DIAPH2: variants seen among roughly 807,000 people sequenced by gnomAD.
DIAPH2 encodes the protein diaphanous related formin 2, also known as protein diaphanous homolog 2.
Under a neutral mutation model 92.7 loss-of-function variants are expected in DIAPH2, and 35 were observed. The observed-to-expected ratio is 0.38, with a 90% CI of 0.29 to 0.50. The LOEUF (loss-of-function observed/expected upper bound fraction) is 0.50. Among genes scored for constraint, DIAPH2 ranks in the 20% least tolerant of loss-of-function variants. The pLI, the probability that DIAPH2 is intolerant of heterozygous loss-of-function variation, is 0.94. For missense variants in DIAPH2, 701 were observed against 819.5 expected (o/e 0.86, Z 1.77); for synonymous variants, 301 against 280.4 (o/e 1.07, Z -0.73).
At chrX:96,820,652 A>T (rs1804066574) in intron 4 of DIAPH2, among the ~76,000 whole-genome samples, 1 of 111,934 alleles carries the variant, frequency 8.9e-6, no homozygotes, top group Non-Finnish European at 1.9e-5. Flanking sequence ...TATTTGCTAA[A>T]CTTATTGAAC....
At chrX:97,090,896 T>C (rs2066820144) in intron 19 of DIAPH2, among the ~76,000 whole-genome samples, 1 of 112,052 alleles carries the variant, frequency 8.9e-6, no homozygotes, top group Non-Finnish European at 1.9e-5. Flanking sequence ...GAAGCCATTG[T>C]TTACCCTTCT....
At chrX:97,186,116 A>G (rs1172644711) in intron 22 of DIAPH2, among the ~76,000 whole-genome samples, 1 of 111,944 alleles carries the variant, frequency 8.9e-6, no homozygotes, top group Non-Finnish European at 1.9e-5. Context: ...TCCCTGATAA[A>G]TTTAATTTTT....
intron 16 of DIAPH2, among the ~76,000 whole-genome samples, chrX:96,960,204 G>T (rs935951482): frequency 3.6e-5 from 4 of 111,015 alleles, no homozygotes; most frequent in Non-Finnish European, 7.6e-5. Flanking sequence ...TGAGTTGTAT[G>T]GTCGTTTTAA....
At chrX:97,499,009 A>C (rs1214230966) in intron 26 of DIAPH2, among the ~76,000 whole-genome samples, 2 of 111,453 alleles carry the variant, frequency 1.8e-5, no homozygotes, top group African/African-American at 6.5e-5. Flanking sequence ...ATAGCCAGCT[A>C]TCTGTCTGCA....
chrX:97,597,464 GA>G (rs1197532248), intron 26 of DIAPH2, among the ~76,000 whole-genome samples: 1 of 111,653 alleles, frequency 9.0e-6, no homozygotes, highest in Non-Finnish European at 1.9e-5. Flanking sequence ...AGTGGGTAGT[GA>G]GTGATGGTGT....
rs992567406 is a variant in DIAPH2, at chrX:97,474,178, G to T, written c.3241+44433G>T. Among the ~76,000 whole-genome samples the T allele has an allele frequency of 5.4e-5, 6 of 112,007 alleles. No individual in the cohort carries two copies. The Admixed American group carries it at 5.7e-4, about 11-fold the overall frequency. ...TGACCCTTTACAGGGAAAGTTTGCCGACTGCTGGAGTAGATCATCAATGAG... is the reference window on the plus strand; with the variant it reads ...TGACCCTTTACAGGGAAAGTTTGCCTACTGCTGGAGTAGATCATCAATGAG... On this transcript the variant is annotated intron_variant, in intron 26 of 26. Transcript: ENST00000324765.
intron 17 of DIAPH2, among the ~76,000 whole-genome samples, chrX:97,029,903 A>G (rs1360374038): frequency 9.0e-6 from 1 of 111,285 alleles, no homozygotes; most frequent in Non-Finnish European, 1.9e-5. Flanking sequence ...TTCTTTTGAT[A>G]CATACTGACC....
intron 26 of DIAPH2, among the ~76,000 whole-genome samples, chrX:97,543,748 C>T (rs977082818): frequency 1.2e-4 from 13 of 110,525 alleles, no homozygotes; most frequent in African/African-American, 3.6e-4. Flanking sequence ...TCAAGTGATC[C>T]GCCCACCTCA....
At chrX:96,976,002 T>TCC (rs2065958244) in intron 17 of DIAPH2, among the ~76,000 whole-genome samples, 1 of 96,869 alleles carries the variant, frequency 1.0e-5, no homozygotes, top group African/African-American at 3.9e-5. Flanking sequence ...CCTCCTTCCC[T>TCC]CTCTCCCTCC....
At chrX:97,137,972 CTG>C (rs1241420987) in intron 21 of DIAPH2, among the ~76,000 whole-genome samples, 1 of 112,050 alleles carries the variant, frequency 8.9e-6, no homozygotes, top group African/African-American at 3.2e-5. Flanking sequence ...AACTTTCACT[CTG>C]TGAGAGGTTG....
intron 22 of DIAPH2, among the ~76,000 whole-genome samples, chrX:97,229,308 G>A (rs769421858): frequency 5.1e-5 from 5 of 98,094 alleles, no homozygotes; most frequent in Non-Finnish European, 1.1e-4. Context: ...GTGATATGGT[G>A]ACATCAGTGT....
rs190749086 is a variant in DIAPH2 at position 96,717,889 on chromosome X, A to T, written c.133-17869A>T. 2.8e-3 allele frequency among the ~76,000 whole-genome samples: 261 copies of T among 93,961 alleles called. 2 individuals are homozygous for T. Among genetic ancestry groups the T allele is most frequent in the African/African-American group, 9.3e-3 (245 of 26,358 alleles). 81.6% of individuals were successfully genotyped at this position (93,961 alleles called of 115,157 possible). A position where few individuals can be genotyped will look rare whatever the true frequency, so the allele number is the denominator to read the frequency against. ...ATGAGATATTTTGATACAGGCATACAATGTATAATAATCACATTGGGGGAA... is the reference window on the plus strand; with the variant it reads ...ATGAGATATTTTGATACAGGCATACTATGTATAATAATCACATTGGGGGAA... On this transcript the variant is annotated intron_variant, in intron 1 of 26. Coordinates refer to ENST00000324765, the MANE Select transcript of DIAPH2 (RefSeq NM_006729.5).
At chrX:97,248,180 CAGA>C (rs2068157838) in intron 23 of DIAPH2, among the ~76,000 whole-genome samples, 1 of 111,087 alleles carries the variant, frequency 9.0e-6, no homozygotes, top group Non-Finnish European at 1.9e-5. Flanking sequence ...AAATTATCAA[CAGA>C]AGGTTTTTTT....
intron 23 of DIAPH2, among the ~76,000 whole-genome samples, chrX:97,299,415 G>C (rs755634806): frequency 8.9e-6 from 1 of 111,744 alleles, no homozygotes; most frequent in Admixed American, 9.6e-5. Context: ...AAAGTCAGAG[G>C]ATTCTTTGTT....
At position 96,881,868 on chromosome X, in the gene DIAPH2, G is replaced by A. The variant is rs771720073; in HGVS notation, c.587+150G>A. 77 of 537,078 alleles carry A rather than the reference G, an allele frequency of 1.4e-4. No individual in the cohort carries two copies. In the African/African-American group the frequency reaches 1.6e-3, roughly 11 times the overall value. 44.3% of individuals were successfully genotyped at this position (537,078 alleles called of 1,213,427 possible). A position where few individuals can be genotyped will look rare whatever the true frequency, so the allele number is the denominator to read the frequency against. Reference sequence around the variant, plus strand: ...AACAGCAGCATCTGATTGTGAAGTCGTAAACTTTTAAAAATATATTTAGTT... The same window carrying A: ...AACAGCAGCATCTGATTGTGAAGTCATAAACTTTTAAAAATATATTTAGTT... On this transcript the variant is annotated intron_variant, in intron 5 of 26. Coordinates refer to ENST00000324765, the MANE Select transcript of DIAPH2 (RefSeq NM_006729.5).
intron 21 of DIAPH2, among the ~76,000 whole-genome samples, chrX:97,125,956 A>T (rs1288867447): frequency 8.9e-6 from 1 of 111,869 alleles, no homozygotes; most frequent in East Asian, 2.8e-4. Context: ...ACAAAAAATG[A>T]TGATTTATGG....
At chrX:97,123,703 C>T (rs953734500) in intron 21 of DIAPH2, among the ~76,000 whole-genome samples, 35 of 112,292 alleles carry the variant, frequency 3.1e-4, no homozygotes, top group Non-Finnish European at 5.8e-4. Flanking sequence ...AAAATCTGAA[C>T]CAAACACAGG....
In DIAPH2 at chrX:96,685,877, C is replaced by T. The variant is rs1170494440; in HGVS notation, c.132+687C>T. Among the ~76,000 whole-genome samples, 3 of 111,762 alleles carry T rather than the reference C, an allele frequency of 2.7e-5. No homozygotes were observed. In the East Asian group the frequency reaches 8.5e-4, roughly 31 times the overall value. ...GTACTTCCACTTAGTTGATTAAGAA[C>T]GCTCAAAAGCAGTAGGCACAAACTG... On this transcript the variant is annotated intron_variant, in intron 1 of 26. Coordinates refer to ENST00000324765, the MANE Select transcript of DIAPH2 (RefSeq NM_006729.5).
At chrX:97,350,556 C>T (rs1478990383) in intron 24 of DIAPH2, among the ~76,000 whole-genome samples, 1 of 111,440 alleles carries the variant, frequency 9.0e-6, no homozygotes, top group East Asian at 2.8e-4. Context: ...ACTTTTCAAT[C>T]ATAACTTGTT....
Sources: allele counts gnomAD v4.1 joint callset (sites outside exome capture counted in the v4.1 genomes callset), GRCh38; gene constraint gnomAD v4.1.1; transcripts MANE v1.5; gene names NCBI Gene and HGNC (gene_info 2026-07-23, HGNC 2026-07-21).